CSE1L: variants seen among roughly 807,000 people sequenced by gnomAD.
CSE1L encodes the protein chromosome segregation 1 like.
Under a neutral mutation model 120.4 loss-of-function variants are expected in CSE1L, and 24 were observed. That is an observed-to-expected ratio of 0.20 (90% CI 0.14 to 0.28). The LOEUF (loss-of-function observed/expected upper bound fraction) is 0.28, where lower values mean the gene tolerates loss of function less well. Among genes scored for constraint, CSE1L ranks in the 10% least tolerant of loss-of-function variants. CSE1L has a pLI of 1.00. For synonymous variants in CSE1L, 402 were observed against 398.3 expected (o/e 1.01, Z -0.11); for missense variants, 830 against 1,145.2 (o/e 0.72, Z 3.97).
intron 14 of CSE1L, among the ~76,000 whole-genome samples, chr20:49,082,103 T>A (rs903781811): frequency 6.6e-6 from 1 of 152,236 alleles, no homozygotes; most frequent in Non-Finnish European, 1.5e-5. Context: ...AATTTTTTTT[T>A]TTTAGATGGA....
chr20:49,076,582 T>G (rs1314654927), intron 12 of CSE1L, among the ~76,000 whole-genome samples: 1 of 137,346 alleles, frequency 7.3e-6, no homozygotes, highest in Non-Finnish European at 1.5e-5. Flanking sequence ...CAGGCTGGAA[T>G]GCAATGGCAA....
At chr20:49,091,447 G>A (rs930557171) in intron 21 of CSE1L, among the ~76,000 whole-genome samples, 1 of 151,274 alleles carries the variant, frequency 6.6e-6, no homozygotes, top group African/African-American at 2.4e-5. Context: ...AGAAAATATT[G>A]TAAGGGCCTG....
Position 49,085,264 on chromosome 20 carries a change from G to A in CSE1L, c.1620-19G>A, listed in dbSNP as rs201232432. On this transcript the variant is annotated intron_variant, in intron 15 of 24. Transcript: ENST00000262982. ...GCTCAAGAGTTGGTAGTGACTGAAA[G>A]CTGTTTTTTCATCTATAGCTTTACA... The A allele has an allele frequency of 1.2e-6, 2 of 1,600,064 alleles. No individual in the cohort carries two copies. The highest frequency in any genetic ancestry group is 1.7e-6 in the Non-Finnish European group (2 of 1,167,398).
intron 6 of CSE1L, 109 bp downstream of exon 6, chr20:49,067,389 A>C: frequency 1.5e-6 from 1 of 689,312 alleles, no homozygotes. Flanking sequence ...GATAATGTTT[A>C]GAGCATTTCT....
Position 49,068,730 on chromosome 20 carries a change from T to G in CSE1L, c.583T>G (p.Cys195Gly). Reference sequence around the variant, plus strand: ...CCTTTCCAAGGCCACTATTGAACTCTGCAGTACCCATGCAAATGATGCCTC... The same window carrying G: ...CCTTTCCAAGGCCACTATTGAACTCGGCAGTACCCATGCAAATGATGCCTC... ...TNLFKATIEL[C>G]STHANDASAL... The change falls in exon 7 of 25, where the codon TGC (cysteine) becomes GGC (glycine). Residue 195 changes from cysteine to glycine, a missense_variant. Physicochemically the swap from Cys to Gly is radical, Grantham distance 159. Around this residue, in one of 4 missense-constraint regions of CSE1L, gnomAD observed 543 missense variants for 640.2 expected, o/e 0.85. Coordinates refer to ENST00000262982, the MANE Select transcript of CSE1L (RefSeq NM_001316.4). 6.2e-7 allele frequency: 1 copy of G among 1,613,534 alleles called. No homozygotes were observed. The highest frequency in any genetic ancestry group is 8.5e-7 in the Non-Finnish European group (1 of 1,179,376).
intron 3 of CSE1L, among the ~76,000 whole-genome samples, chr20:49,065,743 G>A (rs2091887673): frequency 6.7e-6 from 1 of 149,614 alleles, no homozygotes; most frequent in Non-Finnish European, 1.5e-5. Context: ...ATAGGTGCCT[G>A]CCACCATGTC....
At chr20:49,092,591 G>C (rs997724097) in intron 22 of CSE1L, among the ~76,000 whole-genome samples, 1 of 150,864 alleles carries the variant, frequency 6.6e-6, no homozygotes, top group Non-Finnish European at 1.5e-5. Flanking sequence ...TCATAGGTGG[G>C]AATTGAACAA....
intron 1 of CSE1L, among the ~76,000 whole-genome samples, chr20:49,051,605 G>A (rs139974913): frequency 1.3e-5 from 2 of 152,234 alleles, no homozygotes; most frequent in African/African-American, 4.8e-5. Context: ...GTAGCTTTCC[G>A]TGTGCAGAGC....
intron 2 of CSE1L, among the ~76,000 whole-genome samples, chr20:49,059,130 C>CA (rs549095361): frequency 0.038 from 2,916 of 77,126 alleles, 72 homozygotes; most frequent in South Asian, 0.13. Flanking sequence ...GACTCCGTCT[C>CA]AAAAAAAAAA....
intron 5 of CSE1L, among the ~76,000 whole-genome samples, chr20:49,066,751 G>A (rs2091895320): frequency 6.6e-6 from 1 of 152,026 alleles, no homozygotes; most frequent in Admixed American, 6.6e-5. Flanking sequence ...AAAACTGGCT[G>A]GGCATGATGG....
intron 14 of CSE1L, among the ~76,000 whole-genome samples, chr20:49,081,857 CAA>C (rs1464308383): frequency 1.3e-5 from 2 of 152,106 alleles, no homozygotes; most frequent in African/African-American, 2.4e-5. Flanking sequence ...AGGAATAAAA[CAA>C]TATGATGATT....
intron 21 of CSE1L, among the ~76,000 whole-genome samples, chr20:49,091,704 G>C (rs1600551311): frequency 6.6e-6 from 1 of 152,220 alleles, no homozygotes; most frequent in Non-Finnish European, 1.5e-5. Flanking sequence ...CTAGGTGATA[G>C]AGTGAAACCT....
intron 16 of CSE1L, among the ~76,000 whole-genome samples, chr20:49,086,783 AAATAATTCT>A (rs1343973814): frequency 6.6e-6 from 1 of 152,228 alleles, no homozygotes; most frequent in Non-Finnish European, 1.5e-5. Context: ...TGAGTGAATG[AAATAATTCT>A]GCGCCAGCCT....
chr20:49,085,937 A>G (rs1157710698), intron 16 of CSE1L, among the ~76,000 whole-genome samples: 1 of 151,970 alleles, frequency 6.6e-6, no homozygotes, highest in Non-Finnish European at 1.5e-5. Context: ...CCTTCCCTAG[A>G]TTGAGTTTCT....
chr20:49,070,653 A>G (rs931700219), intron 8 of CSE1L, among the ~76,000 whole-genome samples: 1 of 152,054 alleles, frequency 6.6e-6, no homozygotes, highest in African/African-American at 2.4e-5. Flanking sequence ...TCATCTGGCT[A>G]GGCATGGTGG....
intron 1 of CSE1L, among the ~76,000 whole-genome samples, chr20:49,048,311 G>C (rs1192576792): frequency 1.3e-5 from 2 of 152,090 alleles, no homozygotes; most frequent in Non-Finnish European, 2.9e-5. Flanking sequence ...TTGGATGGAT[G>C]CAAGAGCAGT....
chr20:49,087,860 T>C (rs1022541396), intron 16 of CSE1L, 149 bp from the exon 17 acceptor site: 60 of 538,124 alleles, frequency 1.1e-4, no homozygotes, highest in Admixed American at 4.2e-4. Flanking sequence ...GAAATTTAGA[T>C]TATTTTTAAA....
At chr20:49,047,527 C>CTTCT (rs1342145686) in intron 1 of CSE1L, among the ~76,000 whole-genome samples, 7 of 134,436 alleles carry the variant, frequency 5.2e-5, no homozygotes, top group African/African-American at 1.7e-4. Flanking sequence ...TAACCAACCT[C>CTTCT]TTCTTTTGTT....
chr20:49,074,835 G>A lies in CSE1L; in HGVS notation c.1117G>A (p.Asp373Asn), dbSNP rs1414830881. 6.2e-7 allele frequency: 1 copy of A among 1,612,668 alleles called. No homozygotes were observed. Among genetic ancestry groups the A allele is most frequent in the Non-Finnish European group, 8.5e-7 (1 of 1,179,502 alleles). ...EDNSEEYIRR[D>N]LEGSDIDTRR... ...TAATTCTGAGGAGTACATAAGGAGA[G>A]ATTTGGAAGGATCTGGTGTGTATCT... Residue 373 changes from aspartate to asparagine, a missense_variant, in exon 11 of 25, where the codon GAT (aspartate) becomes AAT (asparagine). Transcript: ENST00000262982.
Sources: allele counts gnomAD v4.1 joint callset (sites outside exome capture counted in the v4.1 genomes callset), GRCh38; gene constraint gnomAD v4.1.1; regional missense constraint gnomAD v4.1.1; transcripts MANE v1.5; gene names NCBI Gene and HGNC (gene_info 2026-07-23, HGNC 2026-07-21).